Variants in TPST1 observed in about 807,000 individuals in gnomAD.
The protein encoded by TPST1 is protein-tyrosine sulfotransferase 1.
In TPST1, 20 loss-of-function variants were observed where a neutral mutation model predicts 34.8. The observed-to-expected ratio is 0.57, with a 90% confidence interval of 0.40 to 0.84. The LOEUF is 0.84. Ranked by LOEUF, TPST1 falls within the 40% of genes least tolerant of loss-of-function variation. The pLI is 0.00. For synonymous variants in TPST1, 152 were observed against 159.4 expected (o/e 0.95, Z 0.35); for missense variants, 353 against 455.5 (o/e 0.78, Z 2.05).
intron 2 of TPST1, among the ~76,000 whole-genome samples, chr7:66,274,783 T>G (rs1475251228): frequency 6.6e-6 from 1 of 152,102 alleles, no homozygotes; most frequent in African/African-American, 2.4e-5. Flanking sequence ...TAGACATTTA[T>G]CAAAAGAAGA....
chr7:66,305,593 C>T (rs1171583871), intron 3 of TPST1, among the ~76,000 whole-genome samples: 1 of 152,110 alleles, frequency 6.6e-6, no homozygotes, highest in African/African-American at 2.4e-5. Flanking sequence ...TAGTACCTGC[C>T]TTACTTGTCT....
chr7:66,258,699 T>C (rs1009194002), intron 2 of TPST1, among the ~76,000 whole-genome samples: 2 of 152,194 alleles, frequency 1.3e-5, no homozygotes, highest in Admixed American at 6.5e-5. Context: ...GTATGGCTGG[T>C]GCCACCCTTA....
intron 1 of TPST1, among the ~76,000 whole-genome samples, chr7:66,225,820 C>T (rs1789643283): frequency 6.6e-6 from 1 of 152,320 alleles, no homozygotes. Context: ...AGTGGAGCCT[C>T]AAACACTATA....
At chr7:66,329,124 G>C (rs1210623356) in intron 3 of TPST1, among the ~76,000 whole-genome samples, 3 of 151,272 alleles carry the variant, frequency 2.0e-5, no homozygotes, top group Non-Finnish European at 4.4e-5. Flanking sequence ...TGTTGTCCAG[G>C]CTGTTCTCGA....
At chr7:66,349,589 A>G (rs1316938475) in intron 3 of TPST1, among the ~76,000 whole-genome samples, 1 of 152,014 alleles carries the variant, frequency 6.6e-6, no homozygotes, top group Non-Finnish European at 1.5e-5. Flanking sequence ...CAACAACAAC[A>G]ACAACAAAGT....
chr7:66,336,027 T>A (rs994747455), intron 3 of TPST1, among the ~76,000 whole-genome samples: 3 of 152,166 alleles, frequency 2.0e-5, no homozygotes, highest in African/African-American at 7.2e-5. Context: ...GTTCAGTGAA[T>A]CTGCCAGGCA....
chr7:66,358,234 CG>C (rs1281597754), intron 5 of TPST1, among the ~76,000 whole-genome samples: 1 of 150,460 alleles, frequency 6.6e-6, no homozygotes, highest in African/African-American at 2.5e-5. Context: ...GGTGACAGAG[CG>C]AGACTTCGTC....
At chr7:66,217,065 G>A (rs979756459) in intron 1 of TPST1, among the ~76,000 whole-genome samples, 9 of 151,990 alleles carry the variant, frequency 5.9e-5, no homozygotes, top group Admixed American at 3.9e-4. Flanking sequence ...TACTTTATAT[G>A]TTTTCAGTGG....
At chr7:66,277,724 G>C (rs564554964) in intron 2 of TPST1, among the ~76,000 whole-genome samples, 47 of 152,186 alleles carry the variant, frequency 3.1e-4, no homozygotes, top group Non-Finnish European at 5.1e-4. Context: ...GAGTGACTAG[G>C]GAGTCATTGC....
intron 3 of TPST1, among the ~76,000 whole-genome samples, chr7:66,313,056 GA>G (rs57209573): frequency 0.22 from 32,701 of 145,360 alleles, 4,839 homozygotes; most frequent in African/African-American, 0.44. Flanking sequence ...TAAGGATCCT[GA>G]AAAAAAAAAA....
At chr7:66,212,378 A>G (rs150833713) in intron 1 of TPST1, among the ~76,000 whole-genome samples, 1 of 152,302 alleles carries the variant, frequency 6.6e-6, no homozygotes, top group African/African-American at 2.4e-5. Context: ...GAAGAAATAA[A>G]TAATTCCCAT....
chr7:66,242,871 T>C (rs2116418887), intron 2 of TPST1, among the ~76,000 whole-genome samples: 1 of 152,268 alleles, frequency 6.6e-6, no homozygotes, highest in East Asian at 1.9e-4. Context: ...ATATTATGAA[T>C]TAATGAATTT....
intron 3 of TPST1, among the ~76,000 whole-genome samples, chr7:66,338,748 T>C (rs140098932): frequency 4.6e-5 from 7 of 152,228 alleles, no homozygotes; most frequent in African/African-American, 1.4e-4. Context: ...TTAAAATTTC[T>C]TGAGACAAAT....
intron 3 of TPST1, among the ~76,000 whole-genome samples, chr7:66,323,024 A>G (rs1033051949): frequency 6.6e-6 from 1 of 151,922 alleles, no homozygotes; most frequent in African/African-American, 2.4e-5. Context: ...AGTGATGTTG[A>G]GCATCTTTTC....
chr7:66,207,985 C>G (rs1234240091), intron 1 of TPST1, among the ~76,000 whole-genome samples: 1 of 148,432 alleles, frequency 6.7e-6, no homozygotes, highest in African/African-American at 2.5e-5. Flanking sequence ...TTTTTTTTCT[C>G]TCTCTTCATT....
chr7:66,258,376 A>G (rs1790420836), intron 2 of TPST1, among the ~76,000 whole-genome samples: 1 of 152,236 alleles, frequency 6.6e-6, no homozygotes, highest in South Asian at 2.1e-4. Flanking sequence ...TATTTCCAGT[A>G]TCAGTTCAAA....
chr7:66,247,639 G>A (rs1405529768), intron 2 of TPST1, among the ~76,000 whole-genome samples: 2 of 152,268 alleles, frequency 1.3e-5, no homozygotes, highest in African/African-American at 4.8e-5. Flanking sequence ...ATTTAGTTTT[G>A]ACTTAGGGAA....
At chr7:66,322,907 T>A (rs1005328153) in intron 3 of TPST1, among the ~76,000 whole-genome samples, 22 of 152,114 alleles carry the variant, frequency 1.4e-4, no homozygotes, top group African/African-American at 5.1e-4. Context: ...TCACCAACAC[T>A]TGTTATTTTT....
intron 1 of TPST1, among the ~76,000 whole-genome samples, chr7:66,233,725 G>C (rs1584157468): frequency 6.6e-6 from 1 of 152,290 alleles, no homozygotes; most frequent in Middle Eastern, 3.4e-3. Flanking sequence ...TCAAATCAGT[G>C]ATACCTGACT....
Sources: gnomAD v4.1 joint callset for allele counts (sites outside exome capture counted in the v4.1 genomes callset) on GRCh38, gnomAD v4.1.1 for gene constraint, MANE v1.5 for transcripts, NCBI Gene and HGNC (gene_info 2026-07-23, HGNC 2026-07-21) for gene names.